RAPGEF4: variants seen among roughly 807,000 people sequenced by gnomAD.
The protein encoded by RAPGEF4 is Rap guanine nucleotide exchange factor 4.
In RAPGEF4, 66 loss-of-function variants were observed where a neutral mutation model predicts 147.9. The ratio of observed to expected loss-of-function variants is 0.45; its 90% CI spans 0.37 to 0.55. The LOEUF (loss-of-function observed/expected upper bound fraction) is 0.55, where lower values mean the gene tolerates loss of function less well. Ranked by LOEUF, RAPGEF4 falls within the 20% of genes least tolerant of loss-of-function variation. The pLI is 0.00. For synonymous variants in RAPGEF4, 419 were observed against 442.7 expected, an observed-to-expected ratio of 0.95 and a Z score of 0.67; for missense variants, 1,071 against 1,257.3, an observed-to-expected ratio of 0.85 and a Z score of 2.24.
intron 6 of RAPGEF4, among the ~76,000 whole-genome samples, chr2:172,956,351 A>G (rs990129841): frequency 2.0e-5 from 3 of 152,124 alleles, no homozygotes; most frequent in Non-Finnish European, 4.4e-5. Context: ...AAATACAATG[A>G]ATGGTTTCCA....
At chr2:172,768,517 AAAAG>A (rs1197032655) in intron 1 of RAPGEF4, among the ~76,000 whole-genome samples, 3 of 152,006 alleles carry the variant, frequency 2.0e-5, no homozygotes, top group African/African-American at 7.2e-5. Flanking sequence ...AAAAAAAAAA[AAAAG>A]AAAGAAAAAA....
intron 1 of RAPGEF4, among the ~76,000 whole-genome samples, chr2:172,750,171 A>G (rs983842957): frequency 1.3e-5 from 2 of 152,076 alleles, no homozygotes; most frequent in South Asian, 4.2e-4. Flanking sequence ...AGTCGCTTCC[A>G]CATTTTCAGC....
intron 4 of RAPGEF4, among the ~76,000 whole-genome samples, chr2:172,862,544 T>C (rs1168570577): frequency 6.6e-6 from 1 of 152,256 alleles, no homozygotes; most frequent in Non-Finnish European, 1.5e-5. Flanking sequence ...CTTGGATTTA[T>C]ACGTTTCTCT....
rs752640256 is a variant in RAPGEF4, at chr2:172,797,628, T to C, written c.297+15T>C. On this transcript the variant is annotated intron_variant, in intron 3 of 30. Transcript: ENST00000397081. ...GCAGTCACCAGGTAATATGGTCTAT[T>C]TTTTTGAAAGTAGGATTTATTTTTT... The C allele has an allele frequency of 6.3e-7, 1 of 1,587,448 alleles. No individual in the cohort carries two copies. The highest frequency in any genetic ancestry group is 8.6e-7 in the Non-Finnish European group (1 of 1,159,218).
chr2:173,041,806 C>T (rs1338431041), intron 29 of RAPGEF4, among the ~76,000 whole-genome samples: 2 of 152,194 alleles, frequency 1.3e-5, no homozygotes, highest in African/African-American at 4.8e-5. Flanking sequence ...GTTTTTTGTA[C>T]TAGCTGTTAC....
At chr2:172,859,706 C>T (rs1337225466) in intron 4 of RAPGEF4, among the ~76,000 whole-genome samples, 3 of 152,202 alleles carry the variant, frequency 2.0e-5, no homozygotes, top group South Asian at 4.2e-4. Context: ...GCACCCTGGG[C>T]AGTAAGGTGA....
chr2:172,763,618 A>G (rs938669420), intron 1 of RAPGEF4, among the ~76,000 whole-genome samples: 1 of 152,212 alleles, frequency 6.6e-6, no homozygotes, highest in Non-Finnish European at 1.5e-5. Context: ...CCTGGTTTCA[A>G]GAAGCCCCCC....
intron 17 of RAPGEF4, among the ~76,000 whole-genome samples, chr2:173,011,159 A>AGT (rs1553548082): frequency 7.8e-6 from 1 of 128,416 alleles, no homozygotes; most frequent in East Asian, 2.3e-4. Flanking sequence ...TTGGAACTTC[A>AGT]GCGCGCGCGC....
intron 25 of RAPGEF4, among the ~76,000 whole-genome samples, chr2:173,029,348 C>G (rs187928722): frequency 3.3e-4 from 51 of 152,294 alleles, no homozygotes; most frequent in African/African-American, 1.2e-3. Context: ...AGGATTTATG[C>G]GTATTGCAAA....
At chr2:172,987,325 A>T (rs1410142342) in intron 12 of RAPGEF4, among the ~76,000 whole-genome samples, 1 of 152,132 alleles carries the variant, frequency 6.6e-6, no homozygotes, top group African/African-American at 2.4e-5. Flanking sequence ...TAAAAAATAA[A>T]TTATACAACT....
At chr2:173,040,762 G>T (rs1366719870) in intron 29 of RAPGEF4, among the ~76,000 whole-genome samples, 1 of 152,158 alleles carries the variant, frequency 6.6e-6, no homozygotes. Context: ...GAACAAAAGA[G>T]AATTCACACC....
chr2:173,035,738 A>C (rs1683912561), intron 27 of RAPGEF4, among the ~76,000 whole-genome samples: 1 of 152,232 alleles, frequency 6.6e-6, no homozygotes, highest in Non-Finnish European at 1.5e-5. Flanking sequence ...AAAGTCAACT[A>C]ACACATATTT....
At chr2:173,005,513 G>GTT (rs1694349436) in intron 17 of RAPGEF4, among the ~76,000 whole-genome samples, 1 of 101,772 alleles carries the variant, frequency 9.8e-6, no homozygotes, top group Non-Finnish European at 1.9e-5. Flanking sequence ...TGTTGTTGTT[G>GTT]TTTTGTGTTT....
chr2:172,790,452 G>C (rs74982438), intron 1 of RAPGEF4, among the ~76,000 whole-genome samples: 2,209 of 152,230 alleles, frequency 0.015, 55 homozygotes, highest in African/African-American at 0.051. Context: ...TCTGTACTTG[G>C]AGCTTTTGCT....
chr2:172,871,370 T>G (rs547163493), intron 4 of RAPGEF4, among the ~76,000 whole-genome samples: 2 of 152,164 alleles, frequency 1.3e-5, no homozygotes, highest in African/African-American at 2.4e-5. Context: ...ACTCAAGGGA[T>G]ATGTGACAAT....
At chr2:172,793,136 A>G (rs1480743358) in intron 1 of RAPGEF4, among the ~76,000 whole-genome samples, 2 of 152,166 alleles carry the variant, frequency 1.3e-5, no homozygotes, top group East Asian at 1.9e-4. Context: ...TGGTGGATGC[A>G]TCACTCCAGT....
At chr2:172,929,288 T>C (rs570874103) in intron 6 of RAPGEF4, among the ~76,000 whole-genome samples, 17 of 152,336 alleles carry the variant, frequency 1.1e-4, no homozygotes, top group Non-Finnish European at 5.9e-5. Context: ...AACAATTCTG[T>C]GTCAGGCAGG....
At chr2:172,950,444 T>TAATTTCATAAATTATTATTA (rs1688103497) in intron 6 of RAPGEF4, among the ~76,000 whole-genome samples, 1 of 152,244 alleles carries the variant, frequency 6.6e-6, no homozygotes, top group South Asian at 2.1e-4. Context: ...TTTCCAATAC[T>TAATTTCATAAATTATTATTA]AATTTCATAA....
At chr2:172,885,777 TG>T (rs748357657) in intron 4 of RAPGEF4, among the ~76,000 whole-genome samples, 3 of 152,136 alleles carry the variant, frequency 2.0e-5, no homozygotes, top group Non-Finnish European at 4.4e-5. Flanking sequence ...GAGATTTAGG[TG>T]GGGACACAGA....
Sources: gnomAD v4.1 joint callset for allele counts (sites outside exome capture counted in the v4.1 genomes callset) on GRCh38, gnomAD v4.1.1 for gene constraint, MANE v1.5 for transcripts, NCBI Gene and HGNC (gene_info 2026-07-23, HGNC 2026-07-21) for gene names.